Variants in ROBO1 observed in about 807,000 individuals in gnomAD.
ROBO1 encodes the protein roundabout homolog 1.
In ROBO1, 149 loss-of-function variants were observed where a neutral mutation model predicts 195.9. The observed-to-expected ratio is 0.76, with a 90% CI of 0.67 to 0.87. The LOEUF (loss-of-function observed/expected upper bound fraction) is 0.87, where lower values mean the gene tolerates loss of function less well. ROBO1 is among the 40% of genes least tolerant of loss of function. The probability of loss-of-function intolerance (pLI) is 0.00; values close to 1 mark genes in which losing one functional copy is unlikely to be tolerated. For missense variants in ROBO1, 1,933 were observed against 2,068.3 expected, an observed-to-expected ratio of 0.93 and a Z score of 1.27; for synonymous variants, 816 against 733.2, an observed-to-expected ratio of 1.11 and a Z score of -1.82.
intron 2 of ROBO1, among the ~76,000 whole-genome samples, chr3:79,387,522 T>C (rs2036794661): frequency 6.6e-6 from 1 of 151,474 alleles, no homozygotes. Context: ...TAGCTAATGT[T>C]AGTAAAATGC....
chr3:78,703,623 GAGAAGA>G (rs2081474206), intron 8 of ROBO1, among the ~76,000 whole-genome samples: 1 of 152,028 alleles, frequency 6.6e-6, no homozygotes, highest in Non-Finnish European at 1.5e-5. Flanking sequence ...GGAGGAGAAG[GAGAAGA>G]AAGACACACA....
intron 11 of ROBO1, 112 bp from the exon 12 acceptor site, chr3:78,668,677 T>A (rs1707881829): frequency 1.2e-6 from 1 of 833,218 alleles, no homozygotes; most frequent in African/African-American, 1.7e-5. Flanking sequence ...GCATTAAAAT[T>A]CACTAACCAG....
chr3:79,454,016 T>G (rs2039532535), intron 2 of ROBO1, among the ~76,000 whole-genome samples: 1 of 152,094 alleles, frequency 6.6e-6, no homozygotes, highest in Admixed American at 6.6e-5. Context: ...TAGGAGTGTG[T>G]TACTGAAGTC....
At chr3:79,575,226 A>G (rs1466727654) in intron 2 of ROBO1, among the ~76,000 whole-genome samples, 1 of 117,296 alleles carries the variant, frequency 8.5e-6, no homozygotes, top group Non-Finnish European at 1.7e-5. Context: ...TATATATAAC[A>G]AATATATATA....
At chr3:79,044,794 A>T (rs185774055) in intron 3 of ROBO1, among the ~76,000 whole-genome samples, 1,757 of 151,958 alleles carry the variant, frequency 0.012, 25 homozygotes, top group African/African-American at 0.035. Context: ...TCTTTTTTTA[A>T]AAAAAAATTA....
intron 1 of ROBO1, among the ~76,000 whole-genome samples, chr3:79,708,463 G>C (rs1337748625): frequency 2.0e-5 from 3 of 152,106 alleles, no homozygotes; most frequent in Non-Finnish European, 4.4e-5. Flanking sequence ...ATTTTGATCT[G>C]TTATGTGTCA....
chr3:78,841,073 AAAGT>A (rs1408268534), intron 4 of ROBO1, among the ~76,000 whole-genome samples: 2 of 151,946 alleles, frequency 1.3e-5, no homozygotes, highest in African/African-American at 4.8e-5. Flanking sequence ...AAAAAAAAAA[AAAGT>A]AAGTTATATA....
chr3:79,101,930 A>G (rs1371178959), intron 3 of ROBO1, among the ~76,000 whole-genome samples: 1 of 151,828 alleles, frequency 6.6e-6, no homozygotes, highest in Non-Finnish European at 1.5e-5. Context: ...ATGTGAACCA[A>G]TATATTGCTC....
At chr3:78,912,532 T>G (rs1197264578) in intron 4 of ROBO1, among the ~76,000 whole-genome samples, 1 of 152,172 alleles carries the variant, frequency 6.6e-6, no homozygotes, top group Non-Finnish European at 1.5e-5. Flanking sequence ...AATGGATTAT[T>G]GTAAACAGGA....
chr3:78,864,779 C>G (rs969010636), intron 4 of ROBO1, among the ~76,000 whole-genome samples: 1 of 150,696 alleles, frequency 6.6e-6, no homozygotes, highest in East Asian at 1.9e-4. Flanking sequence ...AGTCACCTCT[C>G]TAGTTTAACC....
chr3:79,756,280 G>A (rs371716484), intron 1 of ROBO1, among the ~76,000 whole-genome samples: 102 of 152,050 alleles, frequency 6.7e-4, no homozygotes, highest in African/African-American at 2.2e-3. Flanking sequence ...GGCTGGGTGC[G>A]GTGGCTCATG....
At chr3:79,755,813 C>T (rs17017139) in intron 1 of ROBO1, among the ~76,000 whole-genome samples, 4 of 152,164 alleles carry the variant, frequency 2.6e-5, no homozygotes, top group Admixed American at 2.0e-4. Context: ...CTGCAATTCA[C>T]GATCTCAGCA....
chr3:79,764,960 G>A (rs1408823251), intron 1 of ROBO1, among the ~76,000 whole-genome samples: 16 of 152,174 alleles, frequency 1.1e-4, no homozygotes, highest in Admixed American at 1.0e-3. Flanking sequence ...CCCATGCTCA[G>A]CTCAGTGCTA....
intron 2 of ROBO1, among the ~76,000 whole-genome samples, chr3:79,271,999 C>T (rs372422012): frequency 3.3e-5 from 5 of 151,784 alleles, no homozygotes; most frequent in Admixed American, 1.3e-4. Flanking sequence ...AAAATGAGTG[C>T]GTGGGGTGGT....
intron 2 of ROBO1, among the ~76,000 whole-genome samples, chr3:79,545,260 T>C (rs1942223152): frequency 6.6e-6 from 1 of 152,138 alleles, no homozygotes; most frequent in Non-Finnish European, 1.5e-5. Flanking sequence ...GAGAAAAGTA[T>C]TCATCAAATA....
chr3:79,744,383 A>G (rs1404508597), intron 1 of ROBO1, among the ~76,000 whole-genome samples: 1 of 152,182 alleles, frequency 6.6e-6, no homozygotes, highest in Non-Finnish European at 1.5e-5. Flanking sequence ...ATTGCAATGG[A>G]ATGAATAATT....
intron 1 of ROBO1, among the ~76,000 whole-genome samples, chr3:79,634,975 A>G (rs758394440): frequency 3.9e-5 from 6 of 152,206 alleles, no homozygotes; most frequent in Non-Finnish European, 7.3e-5. Context: ...TCTACTATAT[A>G]TTTCACATTT....
intron 1 of ROBO1, among the ~76,000 whole-genome samples, chr3:79,606,504 C>G (rs1316690311): frequency 6.6e-6 from 1 of 151,902 alleles, no homozygotes; most frequent in Middle Eastern, 3.2e-3. Flanking sequence ...ACTCTGACTC[C>G]TAGGCTCAAG....
intron 3 of ROBO1, among the ~76,000 whole-genome samples, chr3:78,945,985 A>G (rs373476091): frequency 6.6e-6 from 1 of 152,140 alleles, no homozygotes; most frequent in South Asian, 2.1e-4. Flanking sequence ...AAAAATAAAA[A>G]GAAATCAACA....
Sources: allele counts gnomAD v4.1 joint callset (sites outside exome capture counted in the v4.1 genomes callset), GRCh38; gene constraint gnomAD v4.1.1; transcripts MANE v1.5; gene names NCBI Gene and HGNC (gene_info 2026-07-23, HGNC 2026-07-21).